The following TMEM9B variants were observed in gnomAD, a reference collection of about 807,000 sequenced individuals.
TMEM9B encodes TMEM9 domain family member B.
In TMEM9B, 8 loss-of-function variants were observed where a neutral mutation model predicts 23.5. The ratio of observed to expected loss-of-function variants is 0.34; its 90% CI spans 0.20 to 0.61. The LOEUF (loss-of-function observed/expected upper bound fraction) is 0.61. Ranked by LOEUF, TMEM9B falls within the 20% of genes least tolerant of loss-of-function variation. The probability of loss-of-function intolerance (pLI) is 0.78; values close to 1 mark genes in which losing one functional copy is unlikely to be tolerated. For missense variants in TMEM9B, 197 were observed against 252.3 expected, an observed-to-expected ratio of 0.78 and a Z score of 1.49; for synonymous variants, 106 against 96.3, an observed-to-expected ratio of 1.10 and a Z score of -0.59.
intron 4 of TMEM9B, among the ~76,000 whole-genome samples, chr11:8,948,676 A>G (rs1853821082): frequency 1.3e-5 from 2 of 152,204 alleles, no homozygotes; most frequent in African/African-American, 4.8e-5. Flanking sequence ...TTCAAGAAAC[A>G]TAAGCGATGA....
chr11:8,959,986 C>G (rs1854045595), intron 2 of TMEM9B, among the ~76,000 whole-genome samples: 1 of 152,042 alleles, frequency 6.6e-6, no homozygotes, highest in African/African-American at 2.4e-5. Flanking sequence ...AACTTGCCTG[C>G]CCCGTAAAGT....
chr11:8,954,006 C>T (rs547423144), intron 3 of TMEM9B, among the ~76,000 whole-genome samples: 1 of 152,316 alleles, frequency 6.6e-6, no homozygotes, highest in South Asian at 2.1e-4. Context: ...AAAACCCAGA[C>T]ATAATCCAAA....
At position 8,964,368 on chromosome 11, in the gene TMEM9B, C is replaced by T. The variant is rs1854152146; in HGVS notation, c.-55G>A. 2 of 1,531,184 alleles carry T rather than the reference C, an allele frequency of 1.3e-6. No individual in the cohort carries two copies. Among genetic ancestry groups the T allele is most frequent in the Non-Finnish European group, 1.8e-6 (2 of 1,140,936 alleles). 94.8% of individuals were successfully genotyped at this position (1,531,184 alleles called of 1,614,324 possible). A position where few individuals can be genotyped will look rare whatever the true frequency, so the allele number is the denominator to read the frequency against. Reference sequence around the variant, plus strand: ...GAGCCCCCGCGACCGGCTCCCGGCTCGGGCTCAGGCTCAGGCTCAGGCTCA... The same window carrying T: ...GAGCCCCCGCGACCGGCTCCCGGCTTGGGCTCAGGCTCAGGCTCAGGCTCA... On this transcript the variant is annotated 5_prime_UTR_variant, in exon 1 of 5. Coordinates refer to ENST00000534025, the MANE Select transcript of TMEM9B (RefSeq NM_020644.3).
chr11:8,950,802 A>G (rs1853860416), intron 4 of TMEM9B, among the ~76,000 whole-genome samples: 1 of 152,184 alleles, frequency 6.6e-6, no homozygotes, highest in African/African-American at 2.4e-5. Flanking sequence ...ACTCACTTTT[A>G]TTTGCTTTAA....
intron 3 of TMEM9B, among the ~76,000 whole-genome samples, chr11:8,954,796 T>A (rs1032321714): frequency 6.6e-6 from 1 of 152,112 alleles, no homozygotes; most frequent in African/African-American, 2.4e-5. Flanking sequence ...GTGACTATTA[T>A]AACTAACCAC....
intron 1 of TMEM9B, 81 bp downstream of exon 1, chr11:8,964,128 A>G (rs1330925659): frequency 1.5e-6 from 2 of 1,377,206 alleles, no homozygotes; most frequent in Admixed American, 2.1e-5. Flanking sequence ...TGGGCCAAGG[A>G]GCAGGTTGGC....
rs1029118679 is a variant in TMEM9B at position 8,964,377 on chromosome 11, G to GCTCAGT, written c.-65_-64insACTGAG. On this transcript the variant is annotated 5_prime_UTR_variant, in exon 1 of 5. Coordinates refer to ENST00000534025, the MANE Select transcript of TMEM9B (RefSeq NM_020644.3). The stretch of plus-strand genomic sequence containing the variant: ...CGACCGGCTCCCGGCTCGGGCTCAG[G>GCTCAGT]CTCAGGCTCAGGCTCAGGCACAGGC... The GCTCAGT allele has an allele frequency of 3.3e-5, 50 of 1,506,594 alleles. No homozygotes were observed. In the African/African-American group the frequency reaches 7.0e-4, roughly 21 times the overall value. 93.3% of individuals were successfully genotyped at this position (1,506,594 alleles called of 1,614,324 possible). A position where few individuals can be genotyped will look rare whatever the true frequency, so the allele number is the denominator to read the frequency against.
Position 8,948,182 on chromosome 11 carries a change from T to A in TMEM9B, c.*138A>T. On this transcript the variant is annotated 3_prime_UTR_variant, in exon 5 of 5. Coordinates refer to ENST00000534025, the MANE Select transcript of TMEM9B (RefSeq NM_020644.3). Reference sequence around the variant, plus strand: ...TAACAAGAAAAAAAAATCAAGCAAGTTTTTGCTTCCAGTTTTGAATCTTCC... The same window carrying A: ...TAACAAGAAAAAAAAATCAAGCAAGATTTTGCTTCCAGTTTTGAATCTTCC... The A allele has an allele frequency of 2.7e-6, 3 of 1,125,950 alleles. No individual in the cohort carries two copies. The highest frequency in any genetic ancestry group is 2.5e-6 in the Non-Finnish European group (2 of 807,248). 69.7% of individuals were successfully genotyped at this position (1,125,950 alleles called of 1,614,324 possible). A position where few individuals can be genotyped will look rare whatever the true frequency, so the allele number is the denominator to read the frequency against.
chr11:8,962,192 A>G lies in TMEM9B; in HGVS notation c.106-9T>C, dbSNP rs551526468. 12 of 1,581,880 alleles carry G rather than the reference A, an allele frequency of 7.6e-6. No homozygotes were observed. The Admixed American group carries it at 1.9e-4, about 26-fold the overall frequency. The stretch of plus-strand genomic sequence containing the variant: ...CTGACATCCTCGAAATTCTGTAACC[A>G]AAATGGAAACAGTATAGTGCGTTGA... On this transcript the variant is annotated splice_polypyrimidine_tract_variant and intron_variant, in intron 1 of 4. Coordinates refer to ENST00000534025, the MANE Select transcript of TMEM9B (RefSeq NM_020644.3).
chr11:8,960,145 T>G (rs1180724705), intron 2 of TMEM9B, among the ~76,000 whole-genome samples: 1 of 143,516 alleles, frequency 7.0e-6, no homozygotes, highest in East Asian at 2.0e-4. Flanking sequence ...TCTGTTTTTT[T>G]TTTTTTTTTT....
rs989946051 is a variant in TMEM9B at position 8,957,749 on chromosome 11, CAAAG to C, written c.198-1455_198-1452del. Among the ~76,000 whole-genome samples the C allele has an allele frequency of 2.6e-5, 4 of 152,122 alleles. No individual in the cohort carries two copies. Among genetic ancestry groups the C allele is most frequent in the African/African-American group, 9.7e-5 (4 of 41,406 alleles). ...AGGAGGATTTTGAATATTTTCAACA[CAAAG>C]AAATGATAAATGTCTGAGATGCTAA... On this transcript the variant is annotated intron_variant, in intron 2 of 4. Transcript: ENST00000534025. This position sits in a 1 kb window ranked among gnomAD's most constrained non-coding sequence, Gnocchi z 4.3.
intron 4 of TMEM9B, among the ~76,000 whole-genome samples, chr11:8,949,232 G>T (rs1853832156): frequency 6.6e-6 from 1 of 152,162 alleles, no homozygotes; most frequent in Non-Finnish European, 1.5e-5. Context: ...GCTATTGAAG[G>T]GTTGCCCAGG....
In TMEM9B at chr11:8,948,093, A is replaced by G; in HGVS notation, c.*227T>C. Reference sequence around the variant, plus strand: ...TTATTTTTATTAGTAAAAGTCACAAATAGGAAAAGACTTATTGGCTGACTT... The same window carrying G: ...TTATTTTTATTAGTAAAAGTCACAAGTAGGAAAAGACTTATTGGCTGACTT... On this transcript the variant is annotated 3_prime_UTR_variant, in exon 5 of 5. Coordinates refer to ENST00000534025, the MANE Select transcript of TMEM9B (RefSeq NM_020644.3). 2.4e-6 allele frequency: 1 copy of G among 413,648 alleles called. No homozygotes were observed. Among genetic ancestry groups the G allele is most frequent in the Non-Finnish European group, 4.2e-6 (1 of 235,376 alleles). The allele number at this position is 413,648 out of a possible 1,614,324, so 25.6% of individuals were successfully genotyped here.
upstream of TMEM9B, chr11:8,964,493 C>A: frequency 2.8e-6 from 4 of 1,414,262 alleles, no homozygotes; most frequent in South Asian, 4.6e-5. Flanking sequence ...AAAGCATCCG[C>A]CCCGGAACCG....
At chr11:8,952,249 TACACACACAC>T (rs142506777) in intron 4 of TMEM9B, among the ~76,000 whole-genome samples, 51 of 122,692 alleles carry the variant, frequency 4.2e-4, no homozygotes, top group East Asian at 9.8e-4. Context: ...GCCAACTATA[TACACACACAC>T]ACACACACAC....
At chr11:8,952,297 AT>A (rs1306204376) in intron 4 of TMEM9B, among the ~76,000 whole-genome samples, 7 of 141,152 alleles carry the variant, frequency 5.0e-5, no homozygotes, top group African/African-American at 8.2e-5. Context: ...ATATATATAT[AT>A]AAACATATAT....
chr11:8,951,198 T>A (rs954023933), intron 4 of TMEM9B, among the ~76,000 whole-genome samples: 1 of 152,208 alleles, frequency 6.6e-6, no homozygotes, highest in Non-Finnish European at 1.5e-5. Context: ...TATTGTCTAT[T>A]TCTGAAATCA....
chr11:8,956,345 T>C (rs1191484123), intron 2 of TMEM9B, 47 bp from the exon 3 acceptor site: 1 of 1,529,638 alleles, frequency 6.5e-7, no homozygotes, highest in Non-Finnish European at 8.9e-7. Context: ...CTAGCTCTTC[T>C]GCTTGCTCTG....
Position 8,948,203 on chromosome 11 carries a change from C to A in TMEM9B, c.*117G>T. On this transcript the variant is annotated 3_prime_UTR_variant, in exon 5 of 5. Coordinates refer to ENST00000534025, the MANE Select transcript of TMEM9B (RefSeq NM_020644.3). ...CAAGTTTTTGCTTCCAGTTTTGAAT[C>A]TTCCAGCAACAGTTGGTGAAATCAA... is the stretch of plus-strand genomic sequence containing the variant. The A allele has an allele frequency of 7.6e-7, 1 of 1,323,026 alleles. No homozygotes were observed. The allele number at this position is 1,323,026 out of a possible 1,614,324, so 82.0% of individuals were successfully genotyped here.
Sources: gnomAD v4.1 joint callset for allele counts (sites outside exome capture counted in the v4.1 genomes callset) on GRCh38, gnomAD v4.1.1 for gene constraint, Gnocchi (gnomAD v3.1) non-coding constraint, MANE v1.5 for transcripts, NCBI Gene and HGNC (gene_info 2026-07-23, HGNC 2026-07-21) for gene names.